TMEM62: variants seen among roughly 807,000 people sequenced by gnomAD.
The protein encoded by TMEM62 is transmembrane protein 62.
TMEM62 carries 41 observed loss-of-function variants against 70.4 expected under a neutral mutation model. That is an observed-to-expected ratio of 0.58 (90% CI 0.45 to 0.76). The LOEUF (loss-of-function observed/expected upper bound fraction) is 0.76. Ranked by LOEUF, TMEM62 falls within the 30% of genes least tolerant of loss-of-function variation. The pLI, the probability that TMEM62 is intolerant of heterozygous loss-of-function variation, is 0.00. For synonymous variants in TMEM62, 268 were observed against 291.0 expected (o/e 0.92, Z 0.80); for missense variants, 688 against 788.5 (o/e 0.87, Z 1.53).
chr15:43,151,729 A>G (rs1362891612), intron 7 of TMEM62, 61 bp from the exon 8 acceptor site: 1 of 1,459,030 alleles, frequency 6.9e-7, no homozygotes, highest in Non-Finnish European at 9.4e-7. Context: ...TCTGTATATT[A>G]CCTTCATGAC....
chr15:43,148,703 G>T, intron 5 of TMEM62, 52 bp from the exon 6 acceptor site: 1 of 1,593,956 alleles, frequency 6.3e-7, no homozygotes. Flanking sequence ...GTTGACATTA[G>T]ATTTTAGCCT....
Position 43,151,938 on chromosome 15 carries a change from C to T in TMEM62, c.1015C>T (p.His339Tyr). ...ACTAGAAAGACTTCTTCACTCAACA[C>T]ACATCAGGTATGTAGCAATTTTTTA... The part of the protein sequence containing the change: ...EPLERLLHST[H>Y]IRVLAFSLSS... Residue 339 changes from histidine (H) to tyrosine (Y), a missense_variant, in exon 8 of 14, where the codon CAC (histidine) becomes TAC (tyrosine). Physicochemically the swap from His to Tyr is moderately conservative, Grantham distance 83. Coordinates refer to ENST00000260403, the MANE Select transcript of TMEM62 (RefSeq NM_024956.4). 1.2e-6 allele frequency: 2 copies of T among 1,609,042 alleles called. No homozygotes were observed. The highest frequency in any genetic ancestry group is 1.7e-6 in the Non-Finnish European group (2 of 1,177,926).
intron 9 of TMEM62, 113 bp downstream of exon 9, chr15:43,154,944 G>A: frequency 1.0e-6 from 1 of 997,588 alleles, no homozygotes; most frequent in Non-Finnish European, 1.4e-6. Context: ...AAAAAAACTG[G>A]GGGCCGGGCA....
At chr15:43,148,354 G>C (rs1040859354) in intron 5 of TMEM62, among the ~76,000 whole-genome samples, 4 of 152,062 alleles carry the variant, frequency 2.6e-5, no homozygotes, top group African/African-American at 9.7e-5. Context: ...ATGGTTTCTA[G>C]TTTTTGGCTA....
At chr15:43,157,219 C>A (rs1387789394) in intron 9 of TMEM62, among the ~76,000 whole-genome samples, 1 of 152,118 alleles carries the variant, frequency 6.6e-6, no homozygotes, top group Non-Finnish European at 1.5e-5. Context: ...ATCAGTATCA[C>A]CTGGGAACTT....
At chr15:43,146,446 C>T (rs368880829) in intron 4 of TMEM62, 47 bp from the exon 5 acceptor site, 2 of 1,542,446 alleles carry the variant, frequency 1.3e-6, no homozygotes, top group African/African-American at 1.4e-5. Context: ...AATTTTAAAG[C>T]ATTGTCTTTT....
At chr15:43,148,996 G>T (rs1356791402) in intron 6 of TMEM62, 33 bp from the exon 7 acceptor site, 3 of 1,611,716 alleles carry the variant, frequency 1.9e-6, no homozygotes, top group Non-Finnish European at 2.5e-6. Flanking sequence ...CGTTATCTTT[G>T]TTCATTTATT....
At chr15:43,182,633 T>C (rs1199834336) in intron 13 of TMEM62, among the ~76,000 whole-genome samples, 2 of 152,134 alleles carry the variant, frequency 1.3e-5, no homozygotes, top group Non-Finnish European at 2.9e-5. Flanking sequence ...TTTGTATTTT[T>C]AGTAGAGACA....
intron 10 of TMEM62, among the ~76,000 whole-genome samples, chr15:43,165,558 C>T (rs1357304707): frequency 1.3e-5 from 2 of 151,724 alleles, no homozygotes; most frequent in African/African-American, 4.8e-5. Context: ...ACAGTGAAAC[C>T]CCATCTCTAC....
intron 10 of TMEM62, among the ~76,000 whole-genome samples, chr15:43,165,983 T>C (rs544651654): frequency 1.4e-3 from 213 of 152,332 alleles, no homozygotes; most frequent in African/African-American, 5.0e-3. Context: ...TGGATGTTTG[T>C]CAGTGTCTGG....
At chr15:43,149,256 T>A in intron 7 of TMEM62, 105 bp downstream of exon 7, 2 of 1,259,502 alleles carry the variant, frequency 1.6e-6, no homozygotes, top group Admixed American at 2.6e-5. Flanking sequence ...AAGAAAAACT[T>A]GTGATATTTC....
At chr15:43,159,910 G>C (rs550956482) in intron 9 of TMEM62, among the ~76,000 whole-genome samples, 2 of 152,056 alleles carry the variant, frequency 1.3e-5, no homozygotes, top group Non-Finnish European at 2.9e-5. Context: ...TTTTTAAAGG[G>C]AAAATACACG....
In TMEM62 at chr15:43,180,929, A is replaced by G. The variant is rs1215729635; in HGVS notation, c.1487-252A>G. On this transcript the variant is annotated intron_variant, in intron 12 of 13. Coordinates refer to ENST00000260403, the MANE Select transcript of TMEM62 (RefSeq NM_024956.4). ...ATGTGAGTGTGCTTTTTTTGTTTCT[A>G]GAATCTATAAGACACATATCTGTTC... is the stretch of plus-strand genomic sequence containing the variant. The G allele has an allele frequency of 1.7e-5, 5 of 301,736 alleles. No individual in the cohort carries two copies. In the Admixed American group the frequency reaches 2.4e-4, roughly 14 times the overall value. The allele number at this position is 301,736 out of a possible 1,614,324, so 18.7% of individuals were successfully genotyped here. A position where few individuals can be genotyped will look rare whatever the true frequency, so the allele number is the denominator to read the frequency against.
intron 10 of TMEM62, among the ~76,000 whole-genome samples, chr15:43,168,171 GACGGAGAC>G (rs2039777734): frequency 1.4e-5 from 1 of 71,812 alleles, no homozygotes; most frequent in African/African-American, 7.0e-5. Context: ...GGGAGAGGGA[GACGGAGAC>G]GGAGAGGGAG....
chr15:43,165,183 G>T (rs1436793665), intron 10 of TMEM62, among the ~76,000 whole-genome samples: 1 of 151,188 alleles, frequency 6.6e-6, no homozygotes, highest in Non-Finnish European at 1.5e-5. Context: ...CCTCTTTAAG[G>T]CCAATAACTC....
At chr15:43,167,931 G>A (rs1379931420) in intron 10 of TMEM62, among the ~76,000 whole-genome samples, 14 of 152,100 alleles carry the variant, frequency 9.2e-5, no homozygotes, top group Non-Finnish European at 1.9e-4. Context: ...AGACCAGCCC[G>A]GCCAACACAG....
chr15:43,150,860 A>C (rs1051324464), intron 7 of TMEM62, among the ~76,000 whole-genome samples: 1 of 152,234 alleles, frequency 6.6e-6, no homozygotes, highest in African/African-American at 2.4e-5. Context: ...ATACCAGGAG[A>C]CTGGGAAATT....
chr15:43,154,751 G>A lies in TMEM62; in HGVS notation c.1102G>A (p.Val368Met). 1 of 1,614,024 alleles carries A rather than the reference G, an allele frequency of 6.2e-7. No individual in the cohort carries two copies. The highest frequency in any genetic ancestry group is 8.5e-7 in the Non-Finnish European group (1 of 1,179,930). ...AGTTCATTTAGGCCAGGCTGTTCAT[G>A]TGTCTGGTCCCATTTTCGTACTGAA... Reference protein sequence around the residue: ...DGVHLGQAVHVSGPIFVLKWN... With the variant: ...DGVHLGQAVHMSGPIFVLKWN... The change falls in exon 9 of 14, where the codon GTG becomes ATG. Residue 368 changes from valine to methionine, a missense_variant. By Grantham distance (21) the Val-to-Met change is conservative. Transcript: ENST00000260403.
chr15:43,138,127 TTTTAG>T (rs2035492233), intron 3 of TMEM62, among the ~76,000 whole-genome samples: 1 of 152,088 alleles, frequency 6.6e-6, no homozygotes, highest in South Asian at 2.1e-4. Flanking sequence ...GATTCCAGGG[TTTTAG>T]CCAGACTAGG....
Sources: allele counts gnomAD v4.1 joint callset (sites outside exome capture counted in the v4.1 genomes callset), GRCh38; gene constraint gnomAD v4.1.1; transcripts MANE v1.5; gene names NCBI Gene and HGNC (gene_info 2026-07-23, HGNC 2026-07-21).